CHST11: variants seen among roughly 807,000 people sequenced by gnomAD.
CHST11 encodes C4S-1.
Under a neutral mutation model 30.4 loss-of-function variants are expected in CHST11, and 9 were observed. The ratio of observed to expected loss-of-function variants is 0.30; its 90% CI spans 0.18 to 0.52. The LOEUF is 0.52. CHST11 is among the 20% of genes least tolerant of loss of function. CHST11 has a pLI of 0.97. For missense variants in CHST11, 348 were observed against 460.6 expected, an observed-to-expected ratio of 0.76 and a Z score of 2.24; for synonymous variants, 152 against 187.8, an observed-to-expected ratio of 0.81 and a Z score of 1.56.
At chr12:104,539,923 C>T (rs61940003) in intron 1 of CHST11, among the ~76,000 whole-genome samples, 11,288 of 152,242 alleles carry the variant, frequency 0.074, 494 homozygotes, top group South Asian at 0.14. Context: ...GTCCTCCCAC[C>T]TCAGCCTCCC....
intron 2 of CHST11, among the ~76,000 whole-genome samples, chr12:104,732,723 G>C (rs1262862317): frequency 1.3e-5 from 2 of 152,060 alleles, no homozygotes; most frequent in Non-Finnish European, 2.9e-5. Flanking sequence ...CTGTCACCGG[G>C]GCATTTGCCA....
In CHST11 at chr12:104,687,785, A is replaced by C. The variant is rs551176492; in HGVS notation, c.205-69164A>C. Among the ~76,000 whole-genome samples, 483 of 150,214 alleles carry C rather than the reference A, an allele frequency of 3.2e-3. 3 individuals carry two copies. The highest frequency in any genetic ancestry group is 0.01 in the African/African-American group (430 of 41,172). On this transcript the variant is annotated intron_variant, in intron 2 of 2. Coordinates refer to ENST00000303694, the MANE Select transcript of CHST11 (RefSeq NM_018413.6). The stretch of plus-strand genomic sequence containing the variant: ...TCAAACAGCGGCCCCCGCCCCCCCC[A>C]AAATTTTTTTTTCCCTTTGCAGCTT...
intron 2 of CHST11, among the ~76,000 whole-genome samples, chr12:104,714,683 G>A (rs768682799): frequency 5.3e-5 from 8 of 152,104 alleles, no homozygotes; most frequent in Non-Finnish European, 1.0e-4. Flanking sequence ...AGTGAGCTTC[G>A]TGGTGATGAG....
At position 104,748,549 on chromosome 12, in the gene CHST11, G is replaced by C. The variant is rs148071357; in HGVS notation, c.205-8400G>C. ...GCGCATGCCCGGTGGGGGCTGGAGG[G>C]GGGAGGGGGGAGATTAAGAGGAAGA... On this transcript the variant is annotated intron_variant, in intron 2 of 2. Coordinates refer to ENST00000303694, the MANE Select transcript of CHST11 (RefSeq NM_018413.6). 4.4e-3 allele frequency among the ~76,000 whole-genome samples: 668 copies of C among 151,968 alleles called. 4 individuals are homozygous for C. Among genetic ancestry groups the C allele is most frequent in the African/African-American group, 0.015 (629 of 41,404 alleles).
chr12:104,502,191 C>A (rs2037859289), intron 1 of CHST11, among the ~76,000 whole-genome samples: 1 of 152,032 alleles, frequency 6.6e-6, no homozygotes, highest in Non-Finnish European at 1.5e-5. Context: ...CCATGCCTGG[C>A]TAATTTTTAC....
intron 2 of CHST11, among the ~76,000 whole-genome samples, chr12:104,665,595 TG>T (rs538781646): frequency 4.1e-4 from 62 of 152,238 alleles, no homozygotes; most frequent in African/African-American, 1.3e-3. Context: ...TAAAGTGCTT[TG>T]CACAGCATCG....
At chr12:104,751,046 A>G (rs1019163441) in intron 2 of CHST11, among the ~76,000 whole-genome samples, 49 of 152,236 alleles carry the variant, frequency 3.2e-4, no homozygotes, top group African/African-American at 1.1e-3. Flanking sequence ...GAGAAGAAGG[A>G]AATGGAGGGG....
chr12:104,519,008 G>A (rs1624481), intron 1 of CHST11, among the ~76,000 whole-genome samples: 45,770 of 135,208 alleles, frequency 0.34, 8,370 homozygotes, highest in East Asian at 0.52. Flanking sequence ...CTTCTCTTCA[G>A]TCGGATTATA....
At chr12:104,634,880 C>A (rs938751913) in intron 2 of CHST11, among the ~76,000 whole-genome samples, 3 of 152,174 alleles carry the variant, frequency 2.0e-5, no homozygotes, top group African/African-American at 4.8e-5. Flanking sequence ...GCTCCATTTA[C>A]TCCTGGGGTT....
chr12:104,648,700 G>A (rs1566022504), intron 2 of CHST11, among the ~76,000 whole-genome samples: 1 of 152,128 alleles, frequency 6.6e-6, no homozygotes, highest in Non-Finnish European at 1.5e-5. Context: ...TGTAATCCCA[G>A]CTACTCGGGA....
chr12:104,574,857 T>TA (rs112446603), intron 1 of CHST11, among the ~76,000 whole-genome samples: 15,848 of 116,736 alleles, frequency 0.14, 981 homozygotes, highest in African/African-American at 0.19. Flanking sequence ...TAAAGTATAA[T>TA]TAAAAAAAAA....
intron 2 of CHST11, among the ~76,000 whole-genome samples, chr12:104,683,240 C>A (rs1273565424): frequency 6.6e-6 from 1 of 152,166 alleles, no homozygotes; most frequent in Non-Finnish European, 1.5e-5. Flanking sequence ...AAAACTAAGG[C>A]AGAGGCTTCA....
intron 1 of CHST11, among the ~76,000 whole-genome samples, chr12:104,565,316 G>A (rs1374415629): frequency 6.9e-6 from 1 of 144,500 alleles, no homozygotes; most frequent in Admixed American, 7.3e-5. Context: ...GCTCAGGCTG[G>A]AGTGCAGTGG....
chr12:104,534,972 T>C (rs1704925), intron 1 of CHST11, among the ~76,000 whole-genome samples: 91,529 of 152,092 alleles, frequency 0.6, 28,154 homozygotes, highest in East Asian at 0.97. Context: ...TTTTAAAAAG[T>C]AGCTAATTAT....
intron 1 of CHST11, among the ~76,000 whole-genome samples, chr12:104,469,585 A>G (rs768582826): frequency 2.0e-5 from 3 of 152,178 alleles, no homozygotes; most frequent in African/African-American, 2.4e-5. Context: ...AATTGGCCCT[A>G]TGTCTCCACA....
In CHST11 at chr12:104,757,509, C is replaced by T; in HGVS notation, c.765C>T (p.Phe255=). The change falls in exon 3 of 3, where the codon TTC becomes TTT. Residue 255 remains phenylalanine (F), a synonymous_variant. Coordinates refer to ENST00000303694, the MANE Select transcript of CHST11 (RefSeq NM_018413.6). The surrounding 1 kb of genome is among the most constrained non-coding windows in gnomAD (Gnocchi z 6.5). ...IDPHTQREEP[F]NEHWQTVYSL... is the part of the protein sequence containing the mutation. ...CACACACCCAGCGGGAGGAGCCTTTCAACGAACACTGGCAAACCGTCTACT... is the reference window on the plus strand; with the variant it reads ...CACACACCCAGCGGGAGGAGCCTTTTAACGAACACTGGCAAACCGTCTACT... 1 of 1,614,164 alleles carries T rather than the reference C, an allele frequency of 6.2e-7. No homozygotes were observed.
intron 2 of CHST11, among the ~76,000 whole-genome samples, chr12:104,687,107 C>T (rs1295931488): frequency 6.6e-6 from 1 of 152,250 alleles, no homozygotes; most frequent in Non-Finnish European, 1.5e-5. Flanking sequence ...AACACAGCAA[C>T]CTTTCTGGCC....
chr12:104,746,633 T>C (rs986444391), intron 2 of CHST11, among the ~76,000 whole-genome samples: 4 of 152,210 alleles, frequency 2.6e-5, no homozygotes, highest in African/African-American at 9.6e-5. Context: ...GAGATTCAGT[T>C]GTTGTTCCTT....
chr12:104,541,059 T>G (rs1369103830), intron 1 of CHST11, among the ~76,000 whole-genome samples: 1 of 152,064 alleles, frequency 6.6e-6, no homozygotes, highest in Non-Finnish European at 1.5e-5. Context: ...CACACTAGCT[T>G]GTAAGAATAA....
Sources: allele counts gnomAD v4.1 joint callset (sites outside exome capture counted in the v4.1 genomes callset), GRCh38; gene constraint gnomAD v4.1.1; non-coding constraint Gnocchi (gnomAD v3.1); transcripts MANE v1.5; gene names NCBI Gene and HGNC (gene_info 2026-07-23, HGNC 2026-07-21).